EPB41: variants seen among roughly 807,000 people sequenced by gnomAD.
EPB41 encodes the protein erythrocyte membrane protein band 4.1.
EPB41 carries 65 observed loss-of-function variants against 108.0 expected under a neutral mutation model. The observed-to-expected ratio is 0.60, with a 90% CI of 0.49 to 0.74. EPB41 has a LOEUF of 0.74. Ranked by LOEUF, EPB41 falls within the 30% of genes least tolerant of loss-of-function variation. The pLI is 0.00. For synonymous variants in EPB41, 336 were observed against 358.9 expected (o/e 0.94, Z 0.72); for missense variants, 875 against 1,037.0 (o/e 0.84, Z 2.15).
At chr1:28,998,564 A>T (rs2096235552) in intron 4 of EPB41, among the ~76,000 whole-genome samples, 1 of 152,170 alleles carries the variant, frequency 6.6e-6, no homozygotes, top group Non-Finnish European at 1.5e-5. Context: ...GAAGACATGG[A>T]ATTATCCTTT....
intron 7 of EPB41, among the ~76,000 whole-genome samples, chr1:29,020,038 A>C (rs1048995751): frequency 6.6e-6 from 1 of 152,078 alleles, no homozygotes; most frequent in Non-Finnish European, 1.5e-5. Context: ...AGCATGTTAC[A>C]TTGTCTTTGA....
chr1:28,984,321 A>T (rs1257514534), intron 1 of EPB41, among the ~76,000 whole-genome samples: 1 of 151,934 alleles, frequency 6.6e-6, no homozygotes, highest in African/African-American at 2.4e-5. Context: ...TTCGTCAGAG[A>T]CCCGTCCTTT....
At chr1:28,962,827 A>C (rs901990722) in intron 1 of EPB41, among the ~76,000 whole-genome samples, 1 of 152,150 alleles carries the variant, frequency 6.6e-6, no homozygotes, top group African/African-American at 2.4e-5. Context: ...TATGGCTCGC[A>C]GTATGTGTTG....
chr1:29,103,922 C>G (rs1344406177), intron 17 of EPB41, among the ~76,000 whole-genome samples: 1 of 152,214 alleles, frequency 6.6e-6, no homozygotes, highest in Non-Finnish European at 1.5e-5. Flanking sequence ...CCGCCTTGGC[C>G]TCCCAAAGTG....
intron 1 of EPB41, among the ~76,000 whole-genome samples, chr1:28,977,115 A>T (rs2095624353): frequency 6.6e-6 from 1 of 152,122 alleles, no homozygotes; most frequent in Non-Finnish European, 1.5e-5. Flanking sequence ...GGCCTCCCAA[A>T]GTGCTGGGAT....
rs569507315 is a variant in EPB41, at chr1:28,960,693, G to A, written c.-7-26738G>A. Among the ~76,000 whole-genome samples the A allele has an allele frequency of 1.6e-4, 25 of 151,674 alleles. No individual in the cohort carries two copies. The East Asian group carries it at 3.1e-3, about 19-fold the overall frequency. On this transcript the variant is annotated intron_variant, in intron 1 of 20. Coordinates refer to ENST00000343067, the MANE Select transcript of EPB41 (RefSeq NM_001376013.1). The stretch of plus-strand genomic sequence containing the variant: ...TGAAGTGAGCTGAGATTGTGCCACC[G>A]CACTCCAGCCTGGGCGACAGAGATC...
intron 1 of EPB41, among the ~76,000 whole-genome samples, chr1:28,957,527 C>A (rs1557812700): frequency 6.6e-6 from 1 of 152,126 alleles, no homozygotes; most frequent in Admixed American, 6.6e-5. Context: ...GTCTCAGTCT[C>A]CCTAGTAGCT....
intron 16 of EPB41, among the ~76,000 whole-genome samples, chr1:29,078,087 A>G (rs1435516838): frequency 1.3e-5 from 2 of 152,096 alleles, no homozygotes; most frequent in Non-Finnish European, 2.9e-5. Flanking sequence ...TTAGCCAGGT[A>G]TGGTGGCGCA....
At chr1:29,086,277 T>C (rs1658874842) in intron 16 of EPB41, among the ~76,000 whole-genome samples, 1 of 135,754 alleles carries the variant, frequency 7.4e-6, no homozygotes, top group Admixed American at 7.2e-5. Flanking sequence ...TGTCTTTCCT[T>C]TTTTTTTTTT....
At position 29,069,210 on chromosome 1, in the gene EPB41, C is replaced by T. The variant is rs1255065016; in HGVS notation, c.2184+4052C>T. The T allele has an allele frequency of 2.4e-6, 3 of 1,231,448 alleles. No homozygotes were observed. In the African/African-American group the frequency reaches 4.7e-5, roughly 19 times the overall value. 76.3% of individuals were successfully genotyped at this position (1,231,448 alleles called of 1,614,324 possible). On this transcript the variant is annotated intron_variant, in intron 16 of 20. Transcript: ENST00000343067. ...CTGATACATATCACTTAGGGGTGTG[C>T]AAAGAACCAGTGTTGAACTTCCAAA...
intron 15 of EPB41, 55 bp from the exon 16 acceptor site, chr1:29,064,927 T>G: frequency 6.2e-7 from 1 of 1,610,888 alleles, no homozygotes; most frequent in Non-Finnish European, 8.5e-7. Flanking sequence ...TGCCCTTGAT[T>G]ATGTTCTTTG....
intron 16 of EPB41, among the ~76,000 whole-genome samples, chr1:29,067,412 C>T (rs1311666533): frequency 2.1e-5 from 3 of 141,954 alleles, no homozygotes; most frequent in East Asian, 2.2e-4. Context: ...AGGAGAATGG[C>T]GTAAACCTGG....
At chr1:29,020,109 G>A (rs1371367811) in intron 7 of EPB41, among the ~76,000 whole-genome samples, 1 of 151,090 alleles carries the variant, frequency 6.6e-6, no homozygotes, top group Non-Finnish European at 1.5e-5. Flanking sequence ...TGGTCTGTTG[G>A]CAAGGCTGGA....
At chr1:28,929,324 C>T (rs923811074) in intron 1 of EPB41, among the ~76,000 whole-genome samples, 2 of 151,496 alleles carry the variant, frequency 1.3e-5, no homozygotes, top group African/African-American at 4.9e-5. Flanking sequence ...CTCCCGGGTT[C>T]ACGCCATTCT....
At chr1:29,096,096 G>A (rs758418975) in intron 16 of EPB41, 17 of 945,282 alleles carry the variant, frequency 1.8e-5, no homozygotes, top group African/African-American at 3.6e-5. Context: ...GATTCTCAGA[G>A]TTCATTCTCC....
intron 6 of EPB41, among the ~76,000 whole-genome samples, chr1:29,017,765 C>T (rs1403107693): frequency 2.0e-5 from 3 of 152,216 alleles, no homozygotes; most frequent in Non-Finnish European, 2.9e-5. Flanking sequence ...TACCTGACAC[C>T]GAGCACGCTA....
In EPB41 at chr1:29,053,102, A is replaced by G. The variant is rs778542629; in HGVS notation, c.1637-2A>G. On this transcript the variant is annotated splice_acceptor_variant, in intron 11 of 20. Coordinates refer to ENST00000343067, the MANE Select transcript of EPB41 (RefSeq NM_001376013.1). LOFTEE classifies it high-confidence loss of function. ...TGCTTCCCTTTTCCCTTTCTCACAT[A>G]GCAGCAGCTGTCGATTCGGCAGACC... 2.5e-6 allele frequency: 4 copies of G among 1,613,816 alleles called. No individual in the cohort carries two copies. In the South Asian group the frequency reaches 4.4e-5, roughly 18 times the overall value.
chr1:28,938,877 G>T (rs1374480198), intron 1 of EPB41, among the ~76,000 whole-genome samples: 2 of 152,034 alleles, frequency 1.3e-5, no homozygotes, highest in Non-Finnish European at 1.5e-5. Context: ...AGTTTTTTTT[G>T]TGTGGATTCC....
intron 1 of EPB41, among the ~76,000 whole-genome samples, chr1:28,895,886 G>T (rs980954682): frequency 6.6e-6 from 1 of 152,136 alleles, no homozygotes; most frequent in Non-Finnish European, 1.5e-5. Flanking sequence ...ACCAGTACAC[G>T]GCTGGTGGGA....
Sources: gnomAD v4.1 joint callset for allele counts (sites outside exome capture counted in the v4.1 genomes callset) on GRCh38, gnomAD v4.1.1 for gene constraint, MANE v1.5 for transcripts, NCBI Gene and HGNC (gene_info 2026-07-23, HGNC 2026-07-21) for gene names.